Variants in SKP1 observed in about 807,000 individuals in gnomAD.
The protein encoded by SKP1 is S-phase kinase-associated protein 1.
SKP1 carries 1 observed loss-of-function variant against 21.5 expected under a neutral mutation model. The ratio of observed to expected loss-of-function variants is 0.05; its 90% CI spans 0.02 to 0.22. The LOEUF is 0.22. SKP1 is among the 10% of genes least tolerant of loss of function. The pLI, the probability that SKP1 is intolerant of heterozygous loss-of-function variation, is 1.00. For missense variants in SKP1, 70 were observed against 192.0 expected (o/e 0.36, Z 3.76); for synonymous variants, 59 against 59.3 (o/e 0.99, Z 0.03).
intron 3 of SKP1, 33 bp downstream of exon 3, chr5:134,167,137 G>A: frequency 1.8e-6 from 2 of 1,104,162 alleles, no homozygotes; most frequent in Non-Finnish European, 2.8e-6. Context: ...TATATATTAA[G>A]CAGAATAAAC....
intron 2 of SKP1, 188 bp downstream of exon 2, chr5:134,173,734 CCTCA>C (rs776147451): frequency 2.9e-6 from 2 of 679,544 alleles, no homozygotes; most frequent in East Asian, 5.9e-5. Context: ...AGAGAACGAC[CCTCA>C]CTAATTCAGA....
intron 1 of SKP1, among the ~76,000 whole-genome samples, chr5:134,176,111 G>C (rs1050356609): frequency 2.6e-5 from 4 of 152,168 alleles, no homozygotes; most frequent in African/African-American, 9.7e-5. Flanking sequence ...AATCAAAGCA[G>C]GTAGACGTCC....
chr5:134,164,048 T>C (rs7734118), intron 3 of SKP1, among the ~76,000 whole-genome samples: 138,846 of 152,144 alleles, frequency 0.91, 63,831 homozygotes, highest in African/African-American at 0.98. Flanking sequence ...CGGCCAGGGA[T>C]GGTGACTCAA....
chr5:134,163,929 T>C (rs578145164), intron 3 of SKP1, among the ~76,000 whole-genome samples: 2 of 152,322 alleles, frequency 1.3e-5, no homozygotes, highest in East Asian at 3.9e-4. Flanking sequence ...ACTCCTTGCC[T>C]TTCCTAAAAA....
rs1485596746 is a variant in SKP1, at chr5:134,156,179, G to A, written c.*1554C>T. Reference sequence around the variant, plus strand: ...ATTGGTAGATGAGACAATTCAGCTAGGACTATACACCGCTACCTTCCCCAC... The same window carrying A: ...ATTGGTAGATGAGACAATTCAGCTAAGACTATACACCGCTACCTTCCCCAC... On this transcript the variant is annotated 3_prime_UTR_variant, in exon 6 of 6. Coordinates refer to ENST00000353411, the MANE Select transcript of SKP1 (RefSeq NM_170679.3). 6.6e-6 allele frequency: 1 copy of A among 151,790 alleles called. No individual in the cohort carries two copies. The highest frequency in any genetic ancestry group is 1.5e-5 in the Non-Finnish European group (1 of 67,986). The allele number at this position is 151,790 out of a possible 1,614,324, so 9.4% of individuals were successfully genotyped here.
chr5:134,165,328 T>C (rs1761308299), intron 3 of SKP1, among the ~76,000 whole-genome samples: 1 of 152,148 alleles, frequency 6.6e-6, no homozygotes, highest in Non-Finnish European at 1.5e-5. Context: ...CAGTAACACA[T>C]GTAAAAACAT....
rs1324484544 is a variant in SKP1 at position 134,154,703 on chromosome 5, C to T, written c.*3030G>A. On this transcript the variant is annotated 3_prime_UTR_variant, in exon 6 of 6. Transcript: ENST00000353411. Reference sequence around the variant, plus strand: ...ACAGAGGAAACCGACAAACATCCTTCAATCACCCAAATCTGCCAAATACCT... The same window carrying T: ...ACAGAGGAAACCGACAAACATCCTTTAATCACCCAAATCTGCCAAATACCT... 1 of 152,162 alleles carries T rather than the reference C, an allele frequency of 6.6e-6. No individual in the cohort carries two copies. The highest frequency in any genetic ancestry group is 2.4e-5 in the African/African-American group (1 of 41,440). The allele number at this position is 152,162 out of a possible 1,614,324, so 9.4% of individuals were successfully genotyped here. A position where few individuals can be genotyped will look rare whatever the true frequency, so the allele number is the denominator to read the frequency against.
intron 5 of SKP1, chr5:134,158,119 C>T (rs1355370793): frequency 6.4e-6 from 9 of 1,395,800 alleles, no homozygotes; most frequent in Middle Eastern, 2.1e-4. Context: ...CTCTAAAGTA[C>T]CCTAGTATAT....
At chr5:134,166,043 G>T (rs1011189360) in intron 3 of SKP1, among the ~76,000 whole-genome samples, 14 of 151,596 alleles carry the variant, frequency 9.2e-5, no homozygotes, top group Non-Finnish European at 2.1e-4. Flanking sequence ...AAATTAGCCA[G>T]TGTGGTGGTG....
At chr5:134,165,957 C>A (rs1761322628) in intron 3 of SKP1, among the ~76,000 whole-genome samples, 1 of 151,726 alleles carries the variant, frequency 6.6e-6, no homozygotes. Flanking sequence ...CTTTGGGAGG[C>A]CAAGGCAGGG....
chr5:134,164,229 G>C (rs192607721), intron 3 of SKP1, among the ~76,000 whole-genome samples: 1 of 149,570 alleles, frequency 6.7e-6, no homozygotes, highest in Admixed American at 6.8e-5. Flanking sequence ...TGAAGCAGGA[G>C]AACTGCTTAA....
intron 1 of SKP1, among the ~76,000 whole-genome samples, chr5:134,176,093 TA>T (rs1310900780): frequency 6.6e-6 from 1 of 152,172 alleles, no homozygotes; most frequent in African/African-American, 2.4e-5. Flanking sequence ...AAGTTTCCAT[TA>T]AAAGTGAATC....
In SKP1 at chr5:134,155,727, TA is replaced by T. The variant is rs1761109764; in HGVS notation, c.*2005del. ...AGAAGGTGATACTTCCTTTACAAGT[TA>T]AACATGGCATATGGCAGTAATCCTG... On this transcript the variant is annotated 3_prime_UTR_variant, in exon 6 of 6. Transcript: ENST00000353411. 6.6e-6 allele frequency: 1 copy of T among 152,216 alleles called. No individual in the cohort carries two copies. 9.4% of individuals were successfully genotyped at this position (152,216 alleles called of 1,614,324 possible). A position where few individuals can be genotyped will look rare whatever the true frequency, so the allele number is the denominator to read the frequency against.
intron 2 of SKP1, among the ~76,000 whole-genome samples, chr5:134,167,659 G>A (rs894315227): frequency 6.6e-6 from 1 of 152,048 alleles, no homozygotes; most frequent in African/African-American, 2.4e-5. Context: ...GAGTAGCTGG[G>A]ACTATAGGCA....
At chr5:134,170,822 A>AAGC (rs1466707920) in intron 2 of SKP1, 4 of 279,630 alleles carry the variant, frequency 1.4e-5, no homozygotes, top group Non-Finnish European at 2.9e-5. Context: ...TGCTTCCTTG[A>AAGC]AGCAGCACAG....
At chr5:134,162,195 T>A (rs1255262926) in intron 3 of SKP1, among the ~76,000 whole-genome samples, 1 of 152,128 alleles carries the variant, frequency 6.6e-6, no homozygotes, top group Non-Finnish European at 1.5e-5. Flanking sequence ...CGACCTCCTG[T>A]GCTTAAGCGA....
At chr5:134,162,171 G>C (rs1448721907) in intron 3 of SKP1, among the ~76,000 whole-genome samples, 1 of 151,950 alleles carries the variant, frequency 6.6e-6, no homozygotes, top group Non-Finnish European at 1.5e-5. Context: ...GCAGTGCCGC[G>C]ATCATGGCTC....
At position 134,167,255 on chromosome 5, in the gene SKP1, AG is replaced by A; in HGVS notation, c.98-13del. The A allele has an allele frequency of 6.4e-7, 1 of 1,559,666 alleles. No homozygotes were observed. The highest frequency in any genetic ancestry group is 2.2e-5 in the East Asian group (1 of 44,558). ...ATCCATTCCCAAATCTAAGAAAACC[AG>A]AAGAAAGTTTCTATTTCCTAATTCC... On this transcript the variant is annotated splice_polypyrimidine_tract_variant and intron_variant, in intron 2 of 5. Transcript: ENST00000353411.
intron 2 of SKP1, 76 bp downstream of exon 2, chr5:134,173,850 G>A (rs1480541066): frequency 5.9e-6 from 5 of 841,340 alleles, no homozygotes; most frequent in Admixed American, 1.7e-5. Flanking sequence ...ACAGGCTGCT[G>A]CTCATATAAA....
Sources: gnomAD v4.1 joint callset for allele counts (sites outside exome capture counted in the v4.1 genomes callset) on GRCh38, gnomAD v4.1.1 for gene constraint, MANE v1.5 for transcripts, NCBI Gene and HGNC (gene_info 2026-07-23, HGNC 2026-07-21) for gene names.